DSTN: variants seen among roughly 807,000 people sequenced by gnomAD.
The protein encoded by DSTN is destrin, actin depolymerizing factor.
A neutral mutation model predicts 16.8 loss-of-function variants in DSTN; 10 were observed. That is an observed-to-expected ratio of 0.60 (90% CI 0.37 to 1.01). The LOEUF (loss-of-function observed/expected upper bound fraction) is 1.01, where lower values mean the gene tolerates loss of function less well. Ranked by LOEUF, DSTN falls within the 50% of genes least tolerant of loss-of-function variation. DSTN has a pLI of 0.01. For missense variants in DSTN, 141 were observed against 196.7 expected, an observed-to-expected ratio of 0.72 and a Z score of 1.69; for synonymous variants, 57 against 58.9, an observed-to-expected ratio of 0.97 and a Z score of 0.14.
chr20:17,593,221 AC>A (rs1361606606), intron 1 of DSTN, among the ~76,000 whole-genome samples: 4 of 152,192 alleles, frequency 2.6e-5, no homozygotes, highest in Admixed American at 2.6e-4. Flanking sequence ...TACCTGATGA[AC>A]TGTCTTTCTG....
At chr20:17,581,550 T>TA (rs2122171887) in intron 1 of DSTN, among the ~76,000 whole-genome samples, 1 of 152,092 alleles carries the variant, frequency 6.6e-6, no homozygotes, top group East Asian at 1.9e-4. Context: ...TAGCTTGAAT[T>TA]AAGATTTGTT....
intron 1 of DSTN, among the ~76,000 whole-genome samples, chr20:17,576,665 A>T (rs753433127): frequency 2.6e-5 from 4 of 152,238 alleles, no homozygotes; most frequent in Non-Finnish European, 5.9e-5. Context: ...ACTTAAGTTC[A>T]TTCTACACCT....
chr20:17,595,568 G>A (rs769126423), intron 1 of DSTN, among the ~76,000 whole-genome samples: 29 of 151,670 alleles, frequency 1.9e-4, no homozygotes, highest in Admixed American at 2.0e-4. Context: ...GCAGTGAGCC[G>A]AGATGGTGCC....
chr20:17,589,921 C>T (rs1019367946), intron 1 of DSTN, among the ~76,000 whole-genome samples: 3 of 152,124 alleles, frequency 2.0e-5, no homozygotes, highest in African/African-American at 7.2e-5. Context: ...GTTAAAATAG[C>T]TTTCATCCTG....
chr20:17,595,927 A>G lies in DSTN; in HGVS notation c.4-4811A>G, dbSNP rs551115841. The stretch of plus-strand genomic sequence containing the variant: ...GACAACTTGCATGAAGTACCATTCA[A>G]TCTTCCCTTTTTTCTTCATTGTTAA... On this transcript the variant is annotated intron_variant, in intron 1 of 3. Transcript: ENST00000246069. Among the ~76,000 whole-genome samples, 22 of 152,218 alleles carry G rather than the reference A, an allele frequency of 1.4e-4. No homozygotes were observed. In the South Asian group the frequency reaches 3.5e-3, roughly 24 times the overall value.
intron 1 of DSTN, among the ~76,000 whole-genome samples, chr20:17,590,917 G>C (rs1027070540): frequency 7.2e-5 from 11 of 152,118 alleles, no homozygotes; most frequent in African/African-American, 2.7e-4. Context: ...GACCAGCCTG[G>C]GCAACATAAC....
chr20:17,584,825 T>G (rs1254998540), intron 1 of DSTN, among the ~76,000 whole-genome samples: 1 of 152,184 alleles, frequency 6.6e-6, no homozygotes, highest in Non-Finnish European at 1.5e-5. Context: ...TATATCCAGC[T>G]TCTTCATTCA....
intron 1 of DSTN, among the ~76,000 whole-genome samples, chr20:17,582,275 T>A (rs1464711010): frequency 6.6e-6 from 1 of 152,048 alleles, no homozygotes; most frequent in Non-Finnish European, 1.5e-5. Flanking sequence ...AGATGGGTTT[T>A]CAACCATGTT....
chr20:17,573,584 G>C (rs2035232428), intron 1 of DSTN, among the ~76,000 whole-genome samples: 1 of 152,094 alleles, frequency 6.6e-6, no homozygotes, highest in South Asian at 2.1e-4. Flanking sequence ...GGAAGCCCTG[G>C]ATTGGAGCAT....
chr20:17,597,592 TTC>T (rs1213473546), intron 1 of DSTN, among the ~76,000 whole-genome samples: 23 of 152,200 alleles, frequency 1.5e-4, no homozygotes, highest in African/African-American at 2.2e-4. Context: ...CATTAATTAA[TTC>T]CTCATCCTCC....
Position 17,608,162 on chromosome 20 carries a change from A to G in DSTN, c.*1016A>G, listed in dbSNP as rs549940847. 1.3e-5 allele frequency: 2 copies of G among 152,300 alleles called. No homozygotes were observed. Among genetic ancestry groups the G allele is most frequent in the East Asian group, 3.9e-4 (2 of 5,180 alleles). 9.4% of individuals were successfully genotyped at this position (152,300 alleles called of 1,614,324 possible). A position where few individuals can be genotyped will look rare whatever the true frequency, so the allele number is the denominator to read the frequency against. On this transcript the variant is annotated 3_prime_UTR_variant, in exon 4 of 4. Coordinates refer to ENST00000246069, the MANE Select transcript of DSTN (RefSeq NM_006870.4). ...TTAATATCACGGGCGTAACACTTTGAACGATATAGAGATGCACAAACAGTT... is the reference window on the plus strand; with the variant it reads ...TTAATATCACGGGCGTAACACTTTGGACGATATAGAGATGCACAAACAGTT...
At chr20:17,604,793 G>T (rs932585114) in intron 3 of DSTN, among the ~76,000 whole-genome samples, 162 bp downstream of exon 3, 1 of 152,186 alleles carries the variant, frequency 6.6e-6, no homozygotes, top group South Asian at 2.1e-4. Flanking sequence ...GACTTTCCAT[G>T]TATCTTCTGC....
intron 1 of DSTN, among the ~76,000 whole-genome samples, chr20:17,572,601 A>C (rs2035219553): frequency 6.6e-6 from 1 of 152,194 alleles, no homozygotes; most frequent in East Asian, 1.9e-4. Context: ...CTGTGGTCTC[A>C]CAGACTGAAC....
At chr20:17,582,181 C>T (rs560783136) in intron 1 of DSTN, among the ~76,000 whole-genome samples, 6 of 150,408 alleles carry the variant, frequency 4.0e-5, no homozygotes, top group African/African-American at 1.5e-4. Flanking sequence ...TAGGTTCAAG[C>T]GATTCTCCTG....
intron 1 of DSTN, among the ~76,000 whole-genome samples, chr20:17,589,360 A>G (rs2122185598): frequency 6.6e-6 from 1 of 152,082 alleles, no homozygotes; most frequent in South Asian, 2.1e-4. Context: ...ACAGGCACAC[A>G]CCACCATGCC....
At chr20:17,598,539 A>G (rs1210633614) in intron 1 of DSTN, among the ~76,000 whole-genome samples, 2 of 152,168 alleles carry the variant, frequency 1.3e-5, no homozygotes, top group Non-Finnish European at 2.9e-5. Context: ...AATCCTTTAA[A>G]ACTGTTTTTT....
chr20:17,603,669 T>TA (rs1404303036), intron 2 of DSTN, among the ~76,000 whole-genome samples: 6 of 152,254 alleles, frequency 3.9e-5, no homozygotes, highest in Non-Finnish European at 7.3e-5. Context: ...CTGTGACACA[T>TA]ATGCTGTGCT....
chr20:17,605,256 C>T (rs538532498), intron 3 of DSTN: 1 of 444,512 alleles, frequency 2.2e-6, no homozygotes, highest in Non-Finnish European at 4.5e-6. Flanking sequence ...TGCCCAAAGG[C>T]CTGCACTGAG....
At chr20:17,574,693 T>A (rs1388932788) in intron 1 of DSTN, among the ~76,000 whole-genome samples, 1 of 119,310 alleles carries the variant, frequency 8.4e-6, no homozygotes, top group African/African-American at 3.4e-5. Context: ...ACCATTGCAC[T>A]CCAGCCTGGG....
Sources: allele counts gnomAD v4.1 joint callset (sites outside exome capture counted in the v4.1 genomes callset), GRCh38; gene constraint gnomAD v4.1.1; transcripts MANE v1.5; gene names NCBI Gene and HGNC (gene_info 2026-07-23, HGNC 2026-07-21).